Variants in HSD17B12 observed in about 807,000 individuals in gnomAD.
HSD17B12 encodes the protein hydroxysteroid 17-beta dehydrogenase 12, also known as very-long-chain 3-oxoacyl-CoA reductase.
A neutral mutation model predicts 39.3 loss-of-function variants in HSD17B12; 32 were observed. The ratio of observed to expected loss-of-function variants is 0.81; its 90% CI spans 0.61 to 1.09. HSD17B12 has a LOEUF of 1.09. Among genes scored for constraint, HSD17B12 ranks in the 50% least tolerant of loss-of-function variants. The probability of loss-of-function intolerance (pLI) is 0.00; values close to 1 mark genes in which losing one functional copy is unlikely to be tolerated. For synonymous variants in HSD17B12, 150 were observed against 146.7 expected, an observed-to-expected ratio of 1.02 and a Z score of -0.16; for missense variants, 342 against 382.9, an observed-to-expected ratio of 0.89 and a Z score of 0.89.
chr11:43,571,864 G>A, the HSD17B12 span, among the ~76,000 whole-genome samples: 4 of 152,316 alleles, frequency 2.6e-5, no homozygotes, highest in South Asian at 8.3e-4. Flanking sequence ...ATGAAAATGT[G>A]TATTTAACAA....
At position 43,797,876 on chromosome 11, in the gene HSD17B12, T is replaced by C. The variant is rs150389839; in HGVS notation, c.284-444T>C. 9.0e-4 allele frequency among the ~76,000 whole-genome samples: 137 copies of C among 152,330 alleles called. 1 individual carries two copies. Among genetic ancestry groups the C allele is most frequent in the African/African-American group, 2.8e-3 (117 of 41,584 alleles). On this transcript the variant is annotated intron_variant, in intron 3 of 10. Coordinates refer to ENST00000278353, the MANE Select transcript of HSD17B12 (RefSeq NM_016142.3). ...ATTTCCATTGTGATAAGATAGACTT[T>C]TTGTTTTAATGTGTCACACTTTAAA...
the HSD17B12 span, among the ~76,000 whole-genome samples, chr11:43,605,299 T>C: frequency 1.3e-5 from 2 of 152,096 alleles, no homozygotes; most frequent in African/African-American, 4.8e-5. Context: ...CAGTGGCTCA[T>C]GCCTGTAATC....
At chr11:43,606,922 T>C in the HSD17B12 span, among the ~76,000 whole-genome samples, 5 of 152,152 alleles carry the variant, frequency 3.3e-5, no homozygotes, top group African/African-American at 9.7e-5. Flanking sequence ...TGGGAGTCAA[T>C]GTGAGCAGTC....
At chr11:43,705,756 CTCCT>C (rs144151405) in intron 1 of HSD17B12, among the ~76,000 whole-genome samples, 5,814 of 116,544 alleles carry the variant, frequency 0.05, 437 homozygotes, top group South Asian at 0.06. Context: ...TTTTTCCTCT[CTCCT>C]CTTTTTTTTT....
chr11:43,807,865 CAT>C (rs1399675254), intron 4 of HSD17B12, among the ~76,000 whole-genome samples: 1 of 152,164 alleles, frequency 6.6e-6, no homozygotes, highest in Admixed American at 6.6e-5. Flanking sequence ...TTATTGCCGA[CAT>C]GCATTGAGCA....
chr11:43,799,772 T>G (rs1236878212), intron 4 of HSD17B12, among the ~76,000 whole-genome samples: 3 of 152,210 alleles, frequency 2.0e-5, no homozygotes, highest in Admixed American at 6.5e-5. Context: ...TATAAAAGAA[T>G]GGTCTTTTAC....
At chr11:43,833,615 A>T (rs1238038922) in intron 7 of HSD17B12, 1 of 152,202 alleles carries the variant, frequency 6.6e-6, no homozygotes, top group Non-Finnish European at 1.5e-5. Context: ...CTTACCTTAC[A>T]TATTATAAGT....
the HSD17B12 span, among the ~76,000 whole-genome samples, chr11:43,616,067 AAG>A: frequency 6.6e-6 from 1 of 152,212 alleles, no homozygotes; most frequent in African/African-American, 2.4e-5. Context: ...GCAAATATAA[AAG>A]AAGAGAAGGC....
the HSD17B12 span, among the ~76,000 whole-genome samples, chr11:43,625,464 A>G: frequency 5.3e-5 from 8 of 151,420 alleles, no homozygotes; most frequent in South Asian, 2.1e-4. Flanking sequence ...TGAAACATTA[A>G]ACTTTGATTA....
the HSD17B12 span, among the ~76,000 whole-genome samples, chr11:43,624,120 C>T: frequency 6.6e-6 from 1 of 151,888 alleles, no homozygotes; most frequent in Non-Finnish European, 1.5e-5. Context: ...CTTGTTTGTC[C>T]TCACTGATCA....
the HSD17B12 span, among the ~76,000 whole-genome samples, chr11:43,634,921 GA>G: frequency 6.6e-6 from 1 of 152,300 alleles, no homozygotes; most frequent in East Asian, 1.9e-4. Flanking sequence ...GAAAAAATTA[GA>G]ATATGGCCTG....
the HSD17B12 span, among the ~76,000 whole-genome samples, chr11:43,591,909 T>G: frequency 1.3e-5 from 2 of 152,088 alleles, no homozygotes; most frequent in Admixed American, 6.5e-5. Context: ...TGATAATTCA[T>G]TAATATGTTT....
chr11:43,650,715 A>T, the HSD17B12 span, among the ~76,000 whole-genome samples: 17 of 152,352 alleles, frequency 1.1e-4, no homozygotes, highest in African/African-American at 4.1e-4. Context: ...CTGGAGGAAT[A>T]CATAGGTAAA....
intron 3 of HSD17B12, among the ~76,000 whole-genome samples, chr11:43,758,634 G>C (rs1364462505): frequency 6.6e-6 from 1 of 152,118 alleles, no homozygotes; most frequent in Non-Finnish European, 1.5e-5. Flanking sequence ...GTTCTCTCAT[G>C]GTAAATGTGA....
the HSD17B12 span, among the ~76,000 whole-genome samples, chr11:43,639,307 G>T: frequency 6.6e-6 from 1 of 152,150 alleles, no homozygotes; most frequent in Non-Finnish European, 1.5e-5. Context: ...CTGGGAGAAA[G>T]GCTTCAGGAA....
At chr11:43,619,180 TAA>T in the HSD17B12 span, among the ~76,000 whole-genome samples, 1 of 75,310 alleles carries the variant, frequency 1.3e-5, no homozygotes, top group African/African-American at 4.7e-5. Flanking sequence ...TATATATATA[TAA>T]AATATATATA....
chr11:43,855,290 T>C lies in HSD17B12; in HGVS notation c.*42T>C. 1 of 1,268,008 alleles carries C rather than the reference T, an allele frequency of 7.9e-7. No homozygotes were observed. Among genetic ancestry groups the C allele is most frequent in the Non-Finnish European group, 1.1e-6 (1 of 888,918 alleles). The allele number at this position is 1,268,008 out of a possible 1,614,324, so 78.5% of individuals were successfully genotyped here. Reference sequence around the variant, plus strand: ...TGTAACTTGGCCAGATGCTCCAGCATATGCACGTTCACTGCAAAGCACCCT... The same window carrying C: ...TGTAACTTGGCCAGATGCTCCAGCACATGCACGTTCACTGCAAAGCACCCT... On this transcript the variant is annotated 3_prime_UTR_variant, in exon 11 of 11. Coordinates refer to ENST00000278353, the MANE Select transcript of HSD17B12 (RefSeq NM_016142.3).
At chr11:43,579,086 G>C in the HSD17B12 span, 1 of 103,380 alleles carries the variant, frequency 9.7e-6, no homozygotes, top group Non-Finnish European at 1.9e-5. Context: ...GGGCGGGGGG[G>C]CACCAAATCA....
chr11:43,783,955 C>G (rs10838166), intron 3 of HSD17B12, among the ~76,000 whole-genome samples: 54,753 of 152,012 alleles, frequency 0.36, 10,598 homozygotes, highest in East Asian at 0.68. Context: ...ACAACCACAT[C>G]ATTTTACATT....
Sources: gnomAD v4.1 joint callset for allele counts (sites outside exome capture counted in the v4.1 genomes callset) on GRCh38, gnomAD v4.1.1 for gene constraint, MANE v1.5 for transcripts, NCBI Gene and HGNC (gene_info 2026-07-23, HGNC 2026-07-21) for gene names.